LRIG1: variants seen among roughly 807,000 people sequenced by gnomAD.
The protein encoded by LRIG1 is leucine rich repeats and immunoglobulin like domains 1.
LRIG1 carries 48 observed loss-of-function variants against 99.2 expected under a neutral mutation model. The ratio of observed to expected loss-of-function variants is 0.48; its 90% CI spans 0.38 to 0.62. LRIG1 has a LOEUF of 0.62. Among genes scored for constraint, LRIG1 ranks in the 20% least tolerant of loss-of-function variants. LRIG1 has a pLI of 0.00. For synonymous variants in LRIG1, 772 were observed against 596.1 expected (o/e 1.29, Z -4.30); for missense variants, 1,646 against 1,434.4 (o/e 1.15, Z -2.38).
chr3:66,488,729 G>A (rs1047437781), intron 1 of LRIG1, among the ~76,000 whole-genome samples: 8 of 152,176 alleles, frequency 5.3e-5, no homozygotes, highest in Admixed American at 4.6e-4. Context: ...TGGTAAAAGG[G>A]ATGGCAAGCT....
At chr3:66,462,048 A>G (rs1016730208) in intron 2 of LRIG1, among the ~76,000 whole-genome samples, 1 of 152,230 alleles carries the variant, frequency 6.6e-6, no homozygotes, top group African/African-American at 2.4e-5. Context: ...GTTCGAGACC[A>G]GCCTGGCCAA....
chr3:66,382,181 A>C, intron 16 of LRIG1, 92 bp downstream of exon 16: 1 of 1,480,394 alleles, frequency 6.8e-7, no homozygotes, highest in Non-Finnish European at 9.3e-7. Context: ...ATCTAATGCC[A>C]GGTACCTGCC....
chr3:66,481,957 C>T (rs1040638731), intron 1 of LRIG1, among the ~76,000 whole-genome samples: 6 of 152,244 alleles, frequency 3.9e-5, no homozygotes, highest in Non-Finnish European at 8.8e-5. Flanking sequence ...GTAGGTTTGA[C>T]AGAAAAACCA....
rs906582382 is a variant in LRIG1 at position 66,418,413 on chromosome 3, T to C, written c.366-1147A>G. ...TGGCCTGTGCGCACCTTTAATCTAC[T>C]TTCTGTCAAACCCACTATATAAACA... On this transcript the variant is annotated intron_variant, in intron 3 of 18. Transcript: ENST00000273261. Among the ~76,000 whole-genome samples, 7 of 152,218 alleles carry C rather than the reference T, an allele frequency of 4.6e-5. No homozygotes were observed. In the South Asian group the frequency reaches 6.2e-4, roughly 13 times the overall value.
intron 2 of LRIG1, among the ~76,000 whole-genome samples, chr3:66,454,768 T>G (rs1477338729): frequency 6.6e-6 from 1 of 152,214 alleles, no homozygotes; most frequent in African/African-American, 2.4e-5. Context: ...TAAGGTCAGC[T>G]TGGACCTTCT....
At chr3:66,401,682 T>G (rs1575662125) in intron 9 of LRIG1, 1 of 1,526,972 alleles carries the variant, frequency 6.5e-7, no homozygotes, top group Admixed American at 2.0e-5. Flanking sequence ...AATAAAAGGC[T>G]GCTGCCAGGA....
At chr3:66,487,070 A>T (rs1394700754) in intron 1 of LRIG1, among the ~76,000 whole-genome samples, 4 of 152,192 alleles carry the variant, frequency 2.6e-5, no homozygotes, top group Non-Finnish European at 5.9e-5. Flanking sequence ...GCACCAACAC[A>T]TCTGATTCTT....
intron 9 of LRIG1, among the ~76,000 whole-genome samples, chr3:66,403,872 C>T (rs13093856): frequency 0.21 from 31,928 of 152,120 alleles, 3,589 homozygotes; most frequent in Admixed American, 0.28. Flanking sequence ...TGAGTGGTGG[C>T]GCCAGTGCTG....
chr3:66,429,576 G>A (rs1337241183), intron 3 of LRIG1, among the ~76,000 whole-genome samples: 1 of 152,196 alleles, frequency 6.6e-6, no homozygotes, highest in Admixed American at 6.5e-5. Flanking sequence ...AGAGAGAGAT[G>A]AGCAGGTTCA....
intron 3 of LRIG1, among the ~76,000 whole-genome samples, chr3:66,419,233 C>T (rs1702723341): frequency 6.6e-6 from 1 of 152,174 alleles, no homozygotes. Context: ...AACATCTCTC[C>T]CACGCCAGTT....
intron 1 of LRIG1, among the ~76,000 whole-genome samples, chr3:66,471,728 G>A (rs957683523): frequency 1.1e-4 from 17 of 152,210 alleles, no homozygotes; most frequent in Admixed American, 1.0e-3. Flanking sequence ...AACAAGTCAG[G>A]CAAAAGGGAC....
chr3:66,453,389 G>C (rs1219591584), intron 2 of LRIG1, among the ~76,000 whole-genome samples: 5 of 152,204 alleles, frequency 3.3e-5, no homozygotes, highest in Non-Finnish European at 2.9e-5. Flanking sequence ...GTAGGTCTCA[G>C]GAACATTTCC....
chr3:66,426,946 TTTACTTCAAG>T (rs1703003474), intron 3 of LRIG1, among the ~76,000 whole-genome samples: 1 of 152,184 alleles, frequency 6.6e-6, no homozygotes, highest in African/African-American at 2.4e-5. Context: ...CTACCACAGT[TTTACTTCAAG>T]ATCAAATCTT....
rs186257472 is a variant in LRIG1, at chr3:66,496,366, A to G, written c.218+3824T>C. Among the ~76,000 whole-genome samples, 370 of 152,326 alleles carry G rather than the reference A, an allele frequency of 2.4e-3. 1 individual carries two copies. The highest frequency in any genetic ancestry group is 8.2e-3 in the African/African-American group (341 of 41,578). ...GAATAGATATTACGGCCACAATTTC[A>G]TATCAGCAAGACTTAAACAGTGTGC... On this transcript the variant is annotated intron_variant, in intron 1 of 18. Transcript: ENST00000273261.
intron 1 of LRIG1, among the ~76,000 whole-genome samples, chr3:66,487,589 C>A (rs1178588573): frequency 6.6e-6 from 1 of 152,178 alleles, no homozygotes; most frequent in Non-Finnish European, 1.5e-5. Context: ...GAGAGAAACA[C>A]ACACACACAC....
In LRIG1 at chr3:66,398,151, T is replaced by A; in HGVS notation, c.1265A>T (p.Gln422Leu). 6.2e-7 allele frequency: 1 copy of A among 1,614,120 alleles called. No homozygotes were observed. Among genetic ancestry groups the A allele is most frequent in the South Asian group, 1.1e-5 (1 of 91,084 alleles). Residue 422 changes from glutamine to leucine, a missense_variant, in exon 11 of 19, where the codon CAG (glutamine) becomes CTG (leucine). Gln to Leu is a moderately radical substitution (Grantham distance 113). Coordinates refer to ENST00000273261, the MANE Select transcript of LRIG1 (RefSeq NM_015541.3). ...NLGGNAIRSVQFDAFVKMKNL... is the reference protein window; with the variant it reads ...NLGGNAIRSVLFDAFVKMKNL... Reference sequence around the variant, plus strand: ...CTTCATCTTCACAAAGGCATCAAACTGGACAGATCTGATCGCATTCCCTCC... The same window carrying A: ...CTTCATCTTCACAAAGGCATCAAACAGGACAGATCTGATCGCATTCCCTCC...
At chr3:66,413,295 C>G (rs918694080) in intron 5 of LRIG1, among the ~76,000 whole-genome samples, 1 of 152,172 alleles carries the variant, frequency 6.6e-6, no homozygotes, top group Non-Finnish European at 1.5e-5. Flanking sequence ...GAAGAGAACG[C>G]GTGTGTGCTC....
At chr3:66,405,691 C>G (rs1236464792) in intron 8 of LRIG1, 115 of 1,092,162 alleles carry the variant, frequency 1.1e-4, no homozygotes, top group Non-Finnish European at 1.3e-4. Flanking sequence ...GACCGAGAAA[C>G]TGCAGAAAGC....
intron 3 of LRIG1, among the ~76,000 whole-genome samples, chr3:66,428,479 A>C (rs1703053352): frequency 1.3e-5 from 2 of 152,232 alleles, no homozygotes; most frequent in Admixed American, 6.5e-5. Flanking sequence ...ATGATCACAA[A>C]AAAAAAAGAA....
Sources: allele counts gnomAD v4.1 joint callset (sites outside exome capture counted in the v4.1 genomes callset), GRCh38; gene constraint gnomAD v4.1.1; transcripts MANE v1.5; gene names NCBI Gene and HGNC (gene_info 2026-07-23, HGNC 2026-07-21).